The following DIP2C variants were observed in gnomAD, a reference collection of about 807,000 sequenced individuals.
The protein encoded by DIP2C is disco-interacting protein 2 homolog C.
A neutral mutation model predicts 192.4 loss-of-function variants in DIP2C; 33 were observed. The ratio of observed to expected loss-of-function variants is 0.17; its 90% CI spans 0.13 to 0.23. The LOEUF (loss-of-function observed/expected upper bound fraction) is 0.23. Among genes scored for constraint, DIP2C ranks in the 10% least tolerant of loss-of-function variants. DIP2C has a pLI of 1.00. For missense variants in DIP2C, 1,537 were observed against 2,110.1 expected (o/e 0.73, Z 5.32); for synonymous variants, 979 against 864.1 (o/e 1.13, Z -2.33).
chr10:571,547 G>C (rs1395259224), intron 1 of DIP2C, among the ~76,000 whole-genome samples: 1 of 147,626 alleles, frequency 6.8e-6, no homozygotes, highest in African/African-American at 2.5e-5. Flanking sequence ...TCTCCTTTCA[G>C]CCCTCACCTT....
intron 1 of DIP2C, chr10:669,119 A>C (rs189094751): frequency 1.3e-5 from 2 of 152,344 alleles, no homozygotes; most frequent in African/African-American, 4.8e-5. Context: ...GCCAGAATCC[A>C]AGGAAAAATG....
chr10:381,445 C>T (rs893857913), intron 17 of DIP2C, among the ~76,000 whole-genome samples: 2 of 152,146 alleles, frequency 1.3e-5, no homozygotes, highest in South Asian at 2.1e-4. Flanking sequence ...AGCCCAATCA[C>T]GCCAATCAGA....
intron 1 of DIP2C, among the ~76,000 whole-genome samples, chr10:505,493 A>G (rs981601461): frequency 6.6e-6 from 1 of 152,172 alleles, no homozygotes; most frequent in African/African-American, 2.4e-5. Context: ...CTTCCTGGCA[A>G]TAAACAACCT....
In DIP2C at chr10:430,723, G is replaced by A. The variant is rs374996531; in HGVS notation, c.395-7690C>T. 1.9e-4 allele frequency among the ~76,000 whole-genome samples: 29 copies of A among 152,276 alleles called. No individual in the cohort carries two copies. The East Asian group carries it at 5.0e-3, about 26-fold the overall frequency. ...TTATTTCACACCTTGCACCTTTGGTGTCATATCTAAAAACTTATCACCAAA... is the reference window on the plus strand; with the variant it reads ...TTATTTCACACCTTGCACCTTTGGTATCATATCTAAAAACTTATCACCAAA... On this transcript the variant is annotated intron_variant, in intron 4 of 36. Coordinates refer to ENST00000280886, the MANE Select transcript of DIP2C (RefSeq NM_014974.3).
intron 1 of DIP2C, among the ~76,000 whole-genome samples, chr10:687,339 A>T (rs1257377573): frequency 6.6e-6 from 1 of 152,106 alleles, no homozygotes; most frequent in Non-Finnish European, 1.5e-5. Context: ...ACCCCCATAA[A>T]CTCAACCTGG....
intron 10 of DIP2C, among the ~76,000 whole-genome samples, chr10:391,406 C>T (rs1398712269): frequency 3.9e-5 from 6 of 152,248 alleles, no homozygotes; most frequent in South Asian, 2.1e-4. Flanking sequence ...CCAGTCTCAA[C>T]GAACTAACTG....
At chr10:505,740 T>G (rs1181230102) in intron 1 of DIP2C, among the ~76,000 whole-genome samples, 4 of 140,524 alleles carry the variant, frequency 2.8e-5, no homozygotes, top group African/African-American at 1.1e-4. Flanking sequence ...TTCCTCTGGG[T>G]GCACCTGACA....
chr10:528,320 C>T (rs1260574823), intron 1 of DIP2C, among the ~76,000 whole-genome samples: 1 of 151,664 alleles, frequency 6.6e-6, no homozygotes, highest in Non-Finnish European at 1.5e-5. Context: ...GAATGCAGAC[C>T]GCCCACAGCT....
intron 1 of DIP2C, among the ~76,000 whole-genome samples, chr10:537,537 C>A (rs999608741): frequency 6.6e-6 from 1 of 151,756 alleles, no homozygotes; most frequent in Non-Finnish European, 1.5e-5. Flanking sequence ...ACACATTTGT[C>A]CCCAGGGCAC....
chr10:564,213 C>T (rs1004869690), intron 1 of DIP2C, among the ~76,000 whole-genome samples: 2 of 151,966 alleles, frequency 1.3e-5, no homozygotes, highest in Non-Finnish European at 2.9e-5. Context: ...GGAGAACGTT[C>T]CCCCCACCCC....
intron 1 of DIP2C, among the ~76,000 whole-genome samples, chr10:564,205 A>G (rs1383169539): frequency 6.6e-6 from 1 of 151,978 alleles, no homozygotes; most frequent in African/African-American, 2.4e-5. Context: ...CCCTCGGGGG[A>G]GAACGTTCCC....
intron 1 of DIP2C, among the ~76,000 whole-genome samples, chr10:674,781 T>TAG (rs1222734142): frequency 6.1e-5 from 6 of 98,064 alleles, no homozygotes; most frequent in African/African-American, 2.8e-4. Flanking sequence ...AATATATATA[T>TAG]ATATATATAG....
rs111975285 is a variant in DIP2C, at chr10:508,371, C to A, written c.86-21841G>T. Among the ~76,000 whole-genome samples the A allele has an allele frequency of 1.5e-3, 222 of 152,334 alleles. 1 individual carries two copies. Among genetic ancestry groups the A allele is most frequent in the African/African-American group, 5.2e-3 (218 of 41,574 alleles). Reference sequence around the variant, plus strand: ...CAGCCCCTCCATGTGTGCCCTTACTCCCTTGCTCCCCAGCGTTAATGCCCC... The same window carrying A: ...CAGCCCCTCCATGTGTGCCCTTACTACCTTGCTCCCCAGCGTTAATGCCCC... On this transcript the variant is annotated intron_variant, in intron 1 of 36. Transcript: ENST00000280886.
chr10:459,692 G>A (rs552159947), intron 3 of DIP2C, among the ~76,000 whole-genome samples: 100 of 146,758 alleles, frequency 6.8e-4, no homozygotes, highest in African/African-American at 2.1e-3. Context: ...GCTGCACGTG[G>A]GCTCTAGGAT....
At chr10:485,692 C>A (rs1377817936) in intron 2 of DIP2C, among the ~76,000 whole-genome samples, 2 of 152,162 alleles carry the variant, frequency 1.3e-5, no homozygotes, top group Non-Finnish European at 2.9e-5. Flanking sequence ...CTTCTAAAAT[C>A]TTCTTTCAAT....
rs1366049438 is a variant in DIP2C, at chr10:387,772, G to A, written c.1635C>T (p.Asp545=). The stretch of plus-strand genomic sequence containing the variant: ...TCAGGATGCCATGCCAGAGCCCGAC[G>A]TCCTTCTTGAAATCCAGCACATTCA... ...TIVNVLDFKK[D]VGLWHGILTS... is the part of the protein sequence containing the mutation. Residue 545 remains aspartate, a synonymous_variant, in exon 14 of 37, where the codon GAC becomes GAT. Coordinates refer to ENST00000280886, the MANE Select transcript of DIP2C (RefSeq NM_014974.3). 3.7e-6 allele frequency: 6 copies of A among 1,614,084 alleles called. No homozygotes were observed. Among genetic ancestry groups the A allele is most frequent in the Admixed American group, 1.7e-5 (1 of 60,006 alleles).
rs546895397 is a variant in DIP2C at position 306,677 on chromosome 10, C to T, written c.3986+3354G>A. On this transcript the variant is annotated intron_variant, in intron 32 of 36. Transcript: ENST00000280886. Reference sequence around the variant, plus strand: ...CTCTCATTTCACTGCCTCCCGACTGCTGGCCTTGGACTGTCGACTTTCTCA... The same window carrying T: ...CTCTCATTTCACTGCCTCCCGACTGTTGGCCTTGGACTGTCGACTTTCTCA... Among the ~76,000 whole-genome samples the T allele has an allele frequency of 2.6e-4, 39 of 152,362 alleles. 1 individual carries two copies. The highest frequency in any genetic ancestry group is 8.7e-4 in the African/African-American group (36 of 41,584).
At chr10:305,263 A>G (rs1001345540) in intron 32 of DIP2C, among the ~76,000 whole-genome samples, 1 of 152,158 alleles carries the variant, frequency 6.6e-6, no homozygotes, top group Non-Finnish European at 1.5e-5. Context: ...ACTCATATTC[A>G]CATGTGCAGA....
intron 4 of DIP2C, 101 bp from the exon 5 acceptor site, chr10:423,134 T>C (rs1002601249): frequency 6.9e-6 from 8 of 1,151,202 alleles, no homozygotes; most frequent in Admixed American, 2.5e-5. Context: ...TAAGTCTCAA[T>C]AGTTGTTCAA....
Sources: allele counts gnomAD v4.1 joint callset (sites outside exome capture counted in the v4.1 genomes callset), GRCh38; gene constraint gnomAD v4.1.1; transcripts MANE v1.5; gene names NCBI Gene and HGNC (gene_info 2026-07-23, HGNC 2026-07-21).